MEX3D: variants seen among roughly 807,000 people sequenced by gnomAD.
The protein encoded by MEX3D is RNA-binding protein MEX3D.
Under a neutral mutation model 6.3 loss-of-function variants are expected in MEX3D, and 4 were observed. The observed-to-expected ratio is 0.64, with a 90% confidence interval of 0.31 to 1.46. The LOEUF is 1.46. Ranked by LOEUF, MEX3D falls within the 40% of genes most tolerant of loss-of-function variation. The probability of loss-of-function intolerance (pLI) is 0.07; values close to 1 mark genes in which losing one functional copy is unlikely to be tolerated. For missense variants in MEX3D, 1,038 were observed against 994.4 expected, an observed-to-expected ratio of 1.04 and a Z score of -0.59; for synonymous variants, 626 against 494.1, an observed-to-expected ratio of 1.27 and a Z score of -3.54.
Position 1,565,637 on chromosome 19 carries a change from G to A in MEX3D, c.595+1827C>T, listed in dbSNP as rs150790093. Among the ~76,000 whole-genome samples, 637 of 152,292 alleles carry A rather than the reference G, an allele frequency of 4.2e-3. 18 individuals carry two copies. Among genetic ancestry groups the A allele is most frequent in the Admixed American group, 0.038 (584 of 15,288 alleles). ...ATCACAGAGAGGGGCCGTCATCTGC[G>A]CAGGGCCACGGCGGCCTGCAGGACA... is the stretch of plus-strand genomic sequence containing the variant. On this transcript the variant is annotated intron_variant, in intron 1 of 1. Transcript: ENST00000402693.
intron 1 of MEX3D, among the ~76,000 whole-genome samples, chr19:1,558,573 C>A (rs572687547): frequency 6.6e-6 from 1 of 152,254 alleles, no homozygotes; most frequent in African/African-American, 2.4e-5. Flanking sequence ...TGGTTTCAAG[C>A]CCCCATTGTG....
chr19:1,561,475 G>C (rs1222969731), intron 1 of MEX3D, among the ~76,000 whole-genome samples: 1 of 152,212 alleles, frequency 6.6e-6, no homozygotes, highest in Non-Finnish European at 1.5e-5. Flanking sequence ...ATGGAAGCCA[G>C]CGGGAGCTGA....
chr19:1,556,481 G>A lies in MEX3D; in HGVS notation c.1038C>T (p.Thr346=), dbSNP rs1242269567. ...AHITLRTGAF[T]DAGPDSDFHA... is the part of the protein sequence containing the mutation. ...GGAAGTCGCTGTCGGGGCCCGCGTC[G>A]GTGAAGGCGCCAGTGCGCAGCGTGA... Residue 346 remains threonine (T), a synonymous_variant, in exon 2 of 2, where the codon ACC becomes ACT. Coordinates refer to ENST00000402693, the MANE Select transcript of MEX3D (RefSeq NM_203304.4). This position sits in a 1 kb window ranked among gnomAD's most constrained non-coding sequence, Gnocchi z 7.5. The A allele has an allele frequency of 3.1e-6, 5 of 1,602,510 alleles. No individual in the cohort carries two copies. The highest frequency in any genetic ancestry group is 4.5e-5 in the East Asian group (2 of 44,724).
Position 1,554,753 on chromosome 19 carries a change from A to G in MEX3D, c.*810T>C, listed in dbSNP as rs1914462643. 1 of 152,460 alleles carries G rather than the reference A, an allele frequency of 6.6e-6. No homozygotes were observed. The highest frequency in any genetic ancestry group is 1.5e-5 in the Non-Finnish European group (1 of 68,034). 9.4% of individuals were successfully genotyped at this position (152,460 alleles called of 1,614,324 possible). On this transcript the variant is annotated 3_prime_UTR_variant, in exon 2 of 2. Coordinates refer to ENST00000402693, the MANE Select transcript of MEX3D (RefSeq NM_203304.4). ...TTGATACAATTTTTTTAACCCTTAA[A>G]TCAGCTCAGCAAATATATAATCAGT...
At position 1,555,849 on chromosome 19, in the gene MEX3D, G is replaced by A. The variant is rs1050151465; in HGVS notation, c.1670C>T (p.Ala557Val). 3.0e-6 allele frequency: 4 copies of A among 1,336,666 alleles called. No homozygotes were observed. The African/African-American group carries it at 4.7e-5, about 16-fold the overall frequency. The allele number at this position is 1,336,666 out of a possible 1,614,324, so 82.8% of individuals were successfully genotyped here. A position where few individuals can be genotyped will look rare whatever the true frequency, so the allele number is the denominator to read the frequency against. ...GGGCAGCGAGGTGGCCGTGGAGAAG[G>A]CGGCGCCGCCTGGGAAGGATACGGG... is the stretch of plus-strand genomic sequence containing the variant. Reference protein sequence around the residue: ...QGPVSFPGGAAFSTATSLPSS... With the variant: ...QGPVSFPGGAVFSTATSLPSS... The change falls in exon 2 of 2, where the codon GCC becomes GTC. Residue 557 changes from alanine to valine, a missense_variant. Physicochemically the swap from Ala to Val is moderately conservative, Grantham distance 64 (BLOSUM62 0). This residue lies in a region of MEX3D where 581 missense variants were observed against 516.2 expected (regional missense o/e 1.13). Coordinates refer to ENST00000402693, the MANE Select transcript of MEX3D (RefSeq NM_203304.4).
chr19:1,561,125 C>T (rs997737857), intron 1 of MEX3D, among the ~76,000 whole-genome samples: 1 of 152,354 alleles, frequency 6.6e-6, no homozygotes, highest in East Asian at 1.9e-4. Flanking sequence ...GCAGCCAAGT[C>T]TCCCCCTACC....
intron 1 of MEX3D, among the ~76,000 whole-genome samples, chr19:1,563,550 G>T (rs2145575750): frequency 6.6e-6 from 1 of 152,324 alleles, no homozygotes; most frequent in Non-Finnish European, 1.5e-5. Flanking sequence ...GGCTGCCACG[G>T]AGCACAGATT....
At chr19:1,561,690 C>T (rs1298072174) in intron 1 of MEX3D, among the ~76,000 whole-genome samples, 1 of 151,964 alleles carries the variant, frequency 6.6e-6, no homozygotes, top group Non-Finnish European at 1.5e-5. Context: ...TGTCACCTGT[C>T]GCCCAGGCTG....
Position 1,555,208 on chromosome 19 carries a change from A to C in MEX3D, c.*355T>G. 1 of 1,007,556 alleles carries C rather than the reference A, an allele frequency of 9.9e-7. No homozygotes were observed. Among genetic ancestry groups the C allele is most frequent in the East Asian group, 5.0e-5 (1 of 19,942 alleles). The allele number at this position is 1,007,556 out of a possible 1,614,324, so 62.4% of individuals were successfully genotyped here. A position where few individuals can be genotyped will look rare whatever the true frequency, so the allele number is the denominator to read the frequency against. On this transcript the variant is annotated 3_prime_UTR_variant, in exon 2 of 2. Transcript: ENST00000402693. ...AAAGGAAAAAACGCTGAGCGCTGGA[A>C]AAGTCGTGTTTTTTGTTTTGCTTTT... is the stretch of plus-strand genomic sequence containing the variant.
At position 1,555,766 on chromosome 19, in the gene MEX3D, G is replaced by A. The variant is rs780116983; in HGVS notation, c.1753C>T (p.Arg585Cys). The change falls in exon 2 of 2, where the codon CGC becomes TGC. Residue 585 changes from arginine to cysteine, a missense_variant. Arg to Cys is a radical substitution (Grantham distance 180). Around this residue, in one of 5 missense-constraint regions of MEX3D, gnomAD observed 581 missense variants for 516.2 expected, o/e 1.13. Coordinates refer to ENST00000402693, the MANE Select transcript of MEX3D (RefSeq NM_203304.4). Reference sequence around the variant, plus strand: ...GCCGAGGACGCCGAAGGGGGCTTGCGGCTGTTCTCGGAGGCGCCGGAGTCC... The same window carrying A: ...GCCGAGGACGCCGAAGGGGGCTTGCAGCTGTTCTCGGAGGCGCCGGAGTCC... ...PLDSGASENS[R>C]KPPSASSAPA... is the part of the protein sequence containing the mutation. The A allele has an allele frequency of 2.7e-6, 4 of 1,488,284 alleles. No homozygotes were observed. The highest frequency in any genetic ancestry group is 2.7e-5 in the East Asian group (1 of 36,738). The allele number at this position is 1,488,284 out of a possible 1,614,324, so 92.2% of individuals were successfully genotyped here.
At position 1,555,547 on chromosome 19, in the gene MEX3D, CGTGGTGG is replaced by C; in HGVS notation, c.*9_*15del. 6.4e-7 allele frequency: 1 copy of C among 1,553,986 alleles called. No individual in the cohort carries two copies. Among genetic ancestry groups the C allele is most frequent in the South Asian group, 1.2e-5 (1 of 84,374 alleles). On this transcript the variant is annotated 3_prime_UTR_variant, in exon 2 of 2. Coordinates refer to ENST00000402693, the MANE Select transcript of MEX3D (RefSeq NM_203304.4). Reference sequence around the variant, plus strand: ...TGGCCCCCGCAGATGGCCCCGGCCACGTGGTGGTCCGCGCTCTAGGAAAAGATATGAA... The same window carrying C: ...TGGCCCCCGCAGATGGCCCCGGCCACTCCGCGCTCTAGGAAAAGATATGAA...
chr19:1,555,711 C>T lies in MEX3D; in HGVS notation c.1808G>A (p.Cys603Tyr). 6.5e-7 allele frequency: 1 copy of T among 1,545,862 alleles called. No homozygotes were observed. ...APALARECVV[C>Y]AEGEVMAALV... ...CGCAGCCATCACCTCGCCCTCGGCG[C>T]ACACCACGCACTCTCGCGCCAGGGC... The change falls in exon 2 of 2, where the codon TGC becomes TAC. Residue 603 changes from cysteine (C) to tyrosine (Y), a missense_variant. This residue lies in a region of MEX3D where 581 missense variants were observed against 516.2 expected (regional missense o/e 1.13). Coordinates refer to ENST00000402693, the MANE Select transcript of MEX3D (RefSeq NM_203304.4).
In MEX3D at chr19:1,555,322, C is replaced by A; in HGVS notation, c.*241G>T. On this transcript the variant is annotated 3_prime_UTR_variant, in exon 2 of 2. Transcript: ENST00000402693. ...ACCTTTTCTCTCCGGTTTATTGTAA[C>A]CTGACCACTCAATACTGTCGTTGAA... 6.3e-7 allele frequency: 1 copy of A among 1,598,002 alleles called. No individual in the cohort carries two copies. Among genetic ancestry groups the A allele is most frequent in the Non-Finnish European group, 8.5e-7 (1 of 1,171,012 alleles).
In MEX3D at chr19:1,567,873, C is replaced by A. The variant is rs866833372; in HGVS notation, c.186G>T (p.Ala62=). 2.0e-6 allele frequency: 2 copies of A among 984,838 alleles called. No individual in the cohort carries two copies. Among genetic ancestry groups the A allele is most frequent in the Middle Eastern group, 5.2e-4 (1 of 1,934 alleles). 61.0% of individuals were successfully genotyped at this position (984,838 alleles called of 1,614,324 possible). Residue 62 remains alanine (A), a synonymous_variant, in exon 1 of 2, where the codon GCG becomes GCT. Transcript: ENST00000402693. The surrounding 1 kb of genome is among the most constrained non-coding windows in gnomAD (Gnocchi z 6.5). ...PDDAAAALRL[A]LDQLSALGLG... ...GCCCGAGCGCCGACAGCTGGTCCAG[C>A]GCCAGGCGGAGCGCGGCGGCCGCGT...
chr19:1,558,626 G>A (rs1219056155), intron 1 of MEX3D, among the ~76,000 whole-genome samples: 7 of 152,280 alleles, frequency 4.6e-5, no homozygotes, highest in South Asian at 2.1e-4. Context: ...ACCACCTCCC[G>A]GCCCAACAGG....
Position 1,556,110 on chromosome 19 carries a change from G to A in MEX3D, c.1409C>T (p.Ala470Val). 2.1e-6 allele frequency: 3 copies of A among 1,453,404 alleles called. No homozygotes were observed. Among genetic ancestry groups the A allele is most frequent in the Admixed American group, 2.3e-5 (1 of 44,072 alleles). 90.0% of individuals were successfully genotyped at this position (1,453,404 alleles called of 1,614,324 possible). A position where few individuals can be genotyped will look rare whatever the true frequency, so the allele number is the denominator to read the frequency against. ...LALDLTVPAA[A>V]TIWAPFERAA... ...GCGCTCAAAAGGCGCCCAGATGGTG[G>A]CCGCGGCGGGCACGGTCAGGTCCAG... The change falls in exon 2 of 2, where the codon GCC becomes GTC. Residue 470 changes from alanine to valine, a missense_variant. Around this residue, in one of 5 missense-constraint regions of MEX3D, gnomAD observed 581 missense variants for 516.2 expected, o/e 1.13. Transcript: ENST00000402693. The surrounding 1 kb of genome is among the most constrained non-coding windows in gnomAD (Gnocchi z 7.5).
rs1009188747 is a variant in MEX3D, at chr19:1,567,213, C to A, written c.595+251G>T. Among the ~76,000 whole-genome samples, 3 of 151,918 alleles carry A rather than the reference C, an allele frequency of 2.0e-5. No individual in the cohort carries two copies. The highest frequency in any genetic ancestry group is 4.4e-5 in the Non-Finnish European group (3 of 67,938). On this transcript the variant is annotated intron_variant, in intron 1 of 1. Coordinates refer to ENST00000402693, the MANE Select transcript of MEX3D (RefSeq NM_203304.4). This position sits in a 1 kb window ranked among gnomAD's most constrained non-coding sequence, Gnocchi z 6.5. ...CGCGGCTCCCCGGAGCCTTTCCGGG[C>A]TGGAGGCGGCCCAGACAAAGGCGGC...
At position 1,567,301 on chromosome 19, in the gene MEX3D, G is replaced by C. The variant is rs983964783; in HGVS notation, c.595+163C>G. Among the ~76,000 whole-genome samples the C allele has an allele frequency of 6.6e-6, 1 of 151,940 alleles. No homozygotes were observed. Among genetic ancestry groups the C allele is most frequent in the Non-Finnish European group, 1.5e-5 (1 of 67,952 alleles). On this transcript the variant is annotated intron_variant, in intron 1 of 1. Coordinates refer to ENST00000402693, the MANE Select transcript of MEX3D (RefSeq NM_203304.4). The surrounding 1 kb of genome is among the most constrained non-coding windows in gnomAD (Gnocchi z 6.5). ...CGCCCAACTTTCTCCCGCGGCGGCT[G>C]CAGGACAAAGGCGCAAAGGCAGCGG...
chr19:1,567,442 A>T lies in MEX3D; in HGVS notation c.595+22T>A. 9 of 1,551,536 alleles carry T rather than the reference A, an allele frequency of 5.8e-6. No homozygotes were observed. The African/African-American group carries it at 8.6e-5, about 15-fold the overall frequency. ...CGGTGCGGGGACCCCCAGGACAGCA[A>T]CCCCCGACGAGGGCCACTCACCCTG... On this transcript the variant is annotated intron_variant, in intron 1 of 1. Coordinates refer to ENST00000402693, the MANE Select transcript of MEX3D (RefSeq NM_203304.4). The surrounding 1 kb of genome is among the most constrained non-coding windows in gnomAD (Gnocchi z 6.5).
Sources: allele counts gnomAD v4.1 joint callset (sites outside exome capture counted in the v4.1 genomes callset), GRCh38; gene constraint gnomAD v4.1.1; regional missense constraint gnomAD v4.1.1; non-coding constraint Gnocchi (gnomAD v3.1); transcripts MANE v1.5; gene names NCBI Gene and HGNC (gene_info 2026-07-23, HGNC 2026-07-21).